TAFA1: variants seen among roughly 807,000 people sequenced by gnomAD.
TAFA1 encodes the protein TAFA chemokine like family member 1, also known as chemokine-like protein TAFA-1.
Under a neutral mutation model 18.5 loss-of-function variants are expected in TAFA1, and 4 were observed. That is an observed-to-expected ratio of 0.22 (90% CI 0.11 to 0.49). TAFA1 has a LOEUF of 0.49. Among genes scored for constraint, TAFA1 ranks in the 20% least tolerant of loss-of-function variants. The pLI, the probability that TAFA1 is intolerant of heterozygous loss-of-function variation, is 0.98. For synonymous variants in TAFA1, 56 were observed against 55.2 expected, an observed-to-expected ratio of 1.01 and a Z score of -0.06; for missense variants, 147 against 169.0, an observed-to-expected ratio of 0.87 and a Z score of 0.72.
chr3:68,253,021 G>A (rs1302218054), intron 2 of TAFA1, among the ~76,000 whole-genome samples: 1 of 152,012 alleles, frequency 6.6e-6, no homozygotes, highest in African/African-American at 2.4e-5. Context: ...TGATTGTGAG[G>A]CCTCCCCAGC....
intron 1 of TAFA1, 39 bp from the exon 2 acceptor site, chr3:68,006,585 A>C: frequency 2.1e-6 from 3 of 1,430,808 alleles, no homozygotes; most frequent in Non-Finnish European, 9.9e-7. Context: ...TGGGGGCTTG[A>C]AGCCGGAGGT....
At chr3:68,002,450 G>T (rs1480135984), upstream of TAFA1, among the ~76,000 whole-genome samples, 11 of 152,118 alleles carry the variant, frequency 7.2e-5, no homozygotes, top group Admixed American at 7.2e-4. Context: ...AATGGTTACA[G>T]GTTTTCAAAA....
intron 2 of TAFA1, among the ~76,000 whole-genome samples, chr3:68,165,010 G>T (rs2065967362): frequency 6.6e-6 from 1 of 152,140 alleles, no homozygotes; most frequent in South Asian, 2.1e-4. Context: ...AATGAACAAA[G>T]AATAGCTGTT....
chr3:68,299,122 T>G (rs1412060812), intron 2 of TAFA1, among the ~76,000 whole-genome samples: 1 of 152,208 alleles, frequency 6.6e-6, no homozygotes, highest in Non-Finnish European at 1.5e-5. Context: ...GATGAGGAAC[T>G]TCTTGGGAAG....
chr3:68,313,546 A>G (rs996818786), intron 2 of TAFA1, among the ~76,000 whole-genome samples: 1 of 152,250 alleles, frequency 6.6e-6, no homozygotes, highest in Admixed American at 6.5e-5. Context: ...TCAAATAAAT[A>G]TGGAAACCAT....
At chr3:68,016,593 G>A (rs1704575490) in intron 2 of TAFA1, among the ~76,000 whole-genome samples, 1 of 152,120 alleles carries the variant, frequency 6.6e-6, no homozygotes, top group Non-Finnish European at 1.5e-5. Context: ...GCCTAGGTGG[G>A]TAGTAGTCTA....
chr3:68,319,355 C>T (rs575331698), intron 2 of TAFA1, among the ~76,000 whole-genome samples: 8 of 152,314 alleles, frequency 5.3e-5, no homozygotes, highest in Middle Eastern at 6.8e-3. Flanking sequence ...CATTCCCCCA[C>T]CCCAGGGACA....
At chr3:68,077,179 T>C (rs2064835400) in intron 2 of TAFA1, among the ~76,000 whole-genome samples, 1 of 149,618 alleles carries the variant, frequency 6.7e-6, no homozygotes, top group Middle Eastern at 3.2e-3. Context: ...TGTAAATTTG[T>C]TTGAGTTCAT....
intron 2 of TAFA1, among the ~76,000 whole-genome samples, chr3:68,168,636 G>A (rs1411198934): frequency 6.6e-6 from 1 of 152,170 alleles, no homozygotes; most frequent in East Asian, 1.9e-4. Flanking sequence ...CAACGGTTTA[G>A]CTAAAAATTA....
intron 2 of TAFA1, among the ~76,000 whole-genome samples, chr3:68,214,425 T>C (rs1329050037): frequency 6.6e-6 from 1 of 152,090 alleles, no homozygotes; most frequent in Non-Finnish European, 1.5e-5. Context: ...TCTTAGGTAC[T>C]ATAAGGCCTT....
At chr3:68,187,775 C>T (rs569297578) in intron 2 of TAFA1, among the ~76,000 whole-genome samples, 13 of 152,034 alleles carry the variant, frequency 8.6e-5, no homozygotes, top group African/African-American at 3.1e-4. Flanking sequence ...TATACTTATC[C>T]CAGAAGCAAT....
chr3:68,403,354 G>A (rs2070534448), intron 2 of TAFA1, among the ~76,000 whole-genome samples: 1 of 152,184 alleles, frequency 6.6e-6, no homozygotes, highest in Non-Finnish European at 1.5e-5. Flanking sequence ...GCTTCAAACA[G>A]CAAAAGTTTA....
chr3:68,082,176 G>A (rs934891780), intron 2 of TAFA1, among the ~76,000 whole-genome samples: 8 of 143,492 alleles, frequency 5.6e-5, no homozygotes, highest in Middle Eastern at 3.4e-3. Flanking sequence ...TTCGGCTCGC[G>A]CATGGTGTGC....
At chr3:68,316,619 T>A (rs950066804) in intron 2 of TAFA1, among the ~76,000 whole-genome samples, 2 of 152,172 alleles carry the variant, frequency 1.3e-5, no homozygotes, top group Non-Finnish European at 2.9e-5. Flanking sequence ...ATGAGCTGGT[T>A]TGAGTGAATT....
chr3:68,300,776 C>A (rs546201921), intron 2 of TAFA1, among the ~76,000 whole-genome samples: 1 of 152,244 alleles, frequency 6.6e-6, no homozygotes, highest in African/African-American at 2.4e-5. Flanking sequence ...ATAGTGAGTT[C>A]TCACAAGATT....
intron 2 of TAFA1, among the ~76,000 whole-genome samples, chr3:68,364,359 G>T (rs571496720): frequency 3.3e-5 from 5 of 152,212 alleles, no homozygotes; most frequent in African/African-American, 9.6e-5. Context: ...AGAAAACTAC[G>T]ATTAATGGCA....
intron 2 of TAFA1, among the ~76,000 whole-genome samples, chr3:68,078,435 T>G (rs975012299): frequency 2.6e-5 from 4 of 152,206 alleles, no homozygotes; most frequent in African/African-American, 9.7e-5. Context: ...CAGTATGATA[T>G]TGGCTGTGGG....
chr3:68,336,225 C>T (rs918161227), intron 2 of TAFA1, among the ~76,000 whole-genome samples: 1 of 152,202 alleles, frequency 6.6e-6, no homozygotes, highest in African/African-American at 2.4e-5. Context: ...TCATTGCATG[C>T]ATTCCTTAAA....
At chr3:68,232,912 G>T (rs931685901) in intron 2 of TAFA1, among the ~76,000 whole-genome samples, 3 of 152,092 alleles carry the variant, frequency 2.0e-5, no homozygotes, top group African/African-American at 7.2e-5. Context: ...CCTATTTTTA[G>T]TTTTTTAAGG....
Sources: allele counts gnomAD v4.1 joint callset (sites outside exome capture counted in the v4.1 genomes callset), GRCh38; gene constraint gnomAD v4.1.1; transcripts MANE v1.5; gene names NCBI Gene and HGNC (gene_info 2026-07-23, HGNC 2026-07-21).